Variants in C2CD5 observed in about 807,000 individuals in gnomAD.
C2CD5 encodes the protein C2 domain-containing protein 5.
A neutral mutation model predicts 130.3 loss-of-function variants in C2CD5; 109 were observed. The observed-to-expected ratio is 0.84, with a 90% CI of 0.72 to 0.98. The LOEUF is 0.98. Ranked by LOEUF, C2CD5 falls within the 50% of genes least tolerant of loss-of-function variation. The probability of loss-of-function intolerance (pLI) is 0.00; values close to 1 mark genes in which losing one functional copy is unlikely to be tolerated. For synonymous variants in C2CD5, 454 were observed against 429.2 expected (o/e 1.06, Z -0.71); for missense variants, 996 against 1,261.8 (o/e 0.79, Z 3.19).
intron 23 of C2CD5, chr12:22,459,001 TA>T (rs1565645676): frequency 6.4e-6 from 1 of 156,626 alleles, no homozygotes; most frequent in Admixed American, 6.5e-5. Context: ...CCTAAAATTT[TA>T]AAAAAAGAGA....
At chr12:22,487,654 G>T (rs1023612274) in intron 12 of C2CD5, among the ~76,000 whole-genome samples, 8 of 151,932 alleles carry the variant, frequency 5.3e-5, no homozygotes, top group African/African-American at 9.7e-5. Context: ...CAATTCCTCA[G>T]GGATCTAGAA....
At chr12:22,473,463 T>C (rs1287396789) in intron 16 of C2CD5, among the ~76,000 whole-genome samples, 2 of 152,140 alleles carry the variant, frequency 1.3e-5, no homozygotes, top group Non-Finnish European at 2.9e-5. Flanking sequence ...CAACCCATTA[T>C]TCCCCAAAAC....
At chr12:22,501,745 A>G (rs1242170081) in intron 10 of C2CD5, among the ~76,000 whole-genome samples, 1 of 152,112 alleles carries the variant, frequency 6.6e-6, no homozygotes, top group African/African-American at 2.4e-5. Flanking sequence ...ATTTAGGTAA[A>G]TCTACATGAT....
At chr12:22,463,956 T>C (rs2136085506) in intron 22 of C2CD5, 2 of 152,338 alleles carry the variant, frequency 1.3e-5, no homozygotes, top group Admixed American at 1.3e-4. Context: ...TTTATGTTTC[T>C]TTAGGAATTT....
At chr12:22,468,244 G>C (rs1942437521) in intron 22 of C2CD5, among the ~76,000 whole-genome samples, 1 of 151,790 alleles carries the variant, frequency 6.6e-6, no homozygotes, top group Non-Finnish European at 1.5e-5. Flanking sequence ...TTTGAGAGAG[G>C]GTCTCCCCCT....
chr12:22,458,135 G>A (rs757398512), intron 24 of C2CD5, among the ~76,000 whole-genome samples: 11 of 152,002 alleles, frequency 7.2e-5, no homozygotes, highest in Non-Finnish European at 1.3e-4. Flanking sequence ...TTAATAAACC[G>A]ACAGATGCCA....
chr12:22,468,030 A>G (rs1395838973), intron 22 of C2CD5, among the ~76,000 whole-genome samples: 1 of 151,958 alleles, frequency 6.6e-6, no homozygotes, highest in Non-Finnish European at 1.5e-5. Flanking sequence ...TTTCCTACAG[A>G]ATAACAATCA....
intron 3 of C2CD5, among the ~76,000 whole-genome samples, chr12:22,531,784 A>G (rs1362200123): frequency 6.6e-6 from 1 of 152,210 alleles, no homozygotes; most frequent in South Asian, 2.1e-4. Flanking sequence ...TATTCCACAG[A>G]GATAATAAAT....
intron 12 of C2CD5, among the ~76,000 whole-genome samples, chr12:22,488,896 G>C (rs1945972659): frequency 6.9e-6 from 1 of 145,384 alleles, no homozygotes; most frequent in Non-Finnish European, 1.5e-5. Flanking sequence ...TTTTTAAATA[G>C]AGTCTCACTC....
At chr12:22,472,563 C>G (rs1051160520) in intron 17 of C2CD5, 181 bp downstream of exon 17, 3 of 634,238 alleles carry the variant, frequency 4.7e-6, no homozygotes, top group Non-Finnish European at 8.4e-6. Flanking sequence ...ATCACTTCCA[C>G]CTAAGTTCTA....
chr12:22,514,864 A>G (rs1235686623), intron 8 of C2CD5: 1 of 424,534 alleles, frequency 2.4e-6, no homozygotes, highest in African/African-American at 2.2e-5. Flanking sequence ...TACCAGTAAG[A>G]AAAATAATAG....
intron 15 of C2CD5, 34 bp from the exon 16 acceptor site, chr12:22,474,925 G>A: frequency 6.9e-7 from 1 of 1,459,492 alleles, no homozygotes; most frequent in Non-Finnish European, 9.3e-7. Flanking sequence ...TATCATATGA[G>A]ATTGTCTTTT....
At chr12:22,459,570 CT>C in intron 22 of C2CD5, 28 bp from the exon 23 acceptor site, 1 of 1,437,420 alleles carries the variant, frequency 7.0e-7, no homozygotes, top group Non-Finnish European at 9.5e-7. Flanking sequence ...ACAACATTAG[CT>C]CAGATGCTAA....
intron 2 of C2CD5, among the ~76,000 whole-genome samples, chr12:22,536,558 A>G (rs1951832190): frequency 6.6e-6 from 1 of 152,188 alleles, no homozygotes; most frequent in Non-Finnish European, 1.5e-5. Flanking sequence ...GACTATATGT[A>G]CTGTCACTAG....
rs769096642 is a variant in C2CD5 at position 22,449,831 on chromosome 12, C to T, written c.3085G>A (p.Glu1029Lys). The change falls in exon 27 of 27, where the codon GAA becomes AAA. Residue 1029 changes from glutamate to lysine, a missense_variant. By Grantham distance (56) the Glu-to-Lys change is moderately conservative. Transcript: ENST00000446597. ...GTAGGTTGCTGAGATGACACCACTT[C>T]TAAGTCAGATTCACGAACAAAAACC... Reference protein sequence around the residue: ...AVVFVRESDLEVVSSQQPTTN... With the variant: ...AVVFVRESDLKVVSSQQPTTN... 3.7e-6 allele frequency: 6 copies of T among 1,611,428 alleles called. No homozygotes were observed. In the African/African-American group the frequency reaches 6.7e-5, roughly 18 times the overall value.
chr12:22,482,219 C>T lies in C2CD5; in HGVS notation c.1737+338G>A, dbSNP rs556445540. Among the ~76,000 whole-genome samples the T allele has an allele frequency of 4.7e-4, 71 of 152,220 alleles. 1 individual carries two copies. The South Asian group carries it at 0.014, about 30-fold the overall frequency. On this transcript the variant is annotated intron_variant, in intron 14 of 26. Coordinates refer to ENST00000446597, the MANE Select transcript of C2CD5 (RefSeq NM_001286176.2). ...CTACAATGCACAACTCAGTTCCCTG[C>T]AACAAAGAGGTATCCTGCCCTAGTA...
At chr12:22,538,301 TA>T (rs760750220) in intron 2 of C2CD5, among the ~76,000 whole-genome samples, 10 of 152,204 alleles carry the variant, frequency 6.6e-5, no homozygotes, top group Non-Finnish European at 1.3e-4. Flanking sequence ...TTTCTCCACC[TA>T]ATTCAAGAGC....
intron 26 of C2CD5, among the ~76,000 whole-genome samples, chr12:22,453,189 C>T (rs1335128275): frequency 2.0e-5 from 3 of 152,076 alleles, no homozygotes; most frequent in African/African-American, 7.2e-5. Context: ...ATCCCCTCTG[C>T]TCTTAGGGGA....
chr12:22,468,517 C>G (rs2136139553), intron 22 of C2CD5, among the ~76,000 whole-genome samples: 1 of 152,248 alleles, frequency 6.6e-6, no homozygotes, highest in East Asian at 1.9e-4. Flanking sequence ...CAGGCCCGGC[C>G]CAAAGAAGAC....
Sources: allele counts gnomAD v4.1 joint callset (sites outside exome capture counted in the v4.1 genomes callset), GRCh38; gene constraint gnomAD v4.1.1; transcripts MANE v1.5; gene names NCBI Gene and HGNC (gene_info 2026-07-23, HGNC 2026-07-21).